Variants in NME7 observed in about 807,000 individuals in gnomAD.
NME7 encodes the protein NME/NM23 family member 7, also known as nucleoside diphosphate kinase 7.
A neutral mutation model predicts 49.1 loss-of-function variants in NME7; 41 were observed. The ratio of observed to expected loss-of-function variants is 0.83; its 90% CI spans 0.65 to 1.08. The LOEUF (loss-of-function observed/expected upper bound fraction) is 1.08, where lower values mean the gene tolerates loss of function less well. NME7 is among the 50% of genes least tolerant of loss of function. The pLI is 0.00. For missense variants in NME7, 423 were observed against 463.4 expected (o/e 0.91, Z 0.80); for synonymous variants, 139 against 150.6 (o/e 0.92, Z 0.56).
chr1:169,351,952 A>C (rs1653190610), intron 1 of NME7, among the ~76,000 whole-genome samples: 1 of 152,036 alleles, frequency 6.6e-6, no homozygotes, highest in Non-Finnish European at 1.5e-5. Context: ...AGTAAAGAAA[A>C]GCCCAGGACC....
chr1:169,172,285 A>C (rs1659620078), intron 10 of NME7, among the ~76,000 whole-genome samples: 1 of 151,582 alleles, frequency 6.6e-6, no homozygotes. Context: ...AACTAAAAAA[A>C]AACAAAAAAA....
At chr1:169,248,912 C>T (rs796168648) in intron 7 of NME7, among the ~76,000 whole-genome samples, 7 of 150,280 alleles carry the variant, frequency 4.7e-5, no homozygotes, top group South Asian at 2.1e-4. Context: ...GATGCCTCTA[C>T]GTCTGTTTTC....
chr1:169,277,151 T>A (rs1277796423), intron 7 of NME7, among the ~76,000 whole-genome samples: 3 of 150,076 alleles, frequency 2.0e-5, no homozygotes, highest in Non-Finnish European at 4.5e-5. Context: ...GTGCTGAAAA[T>A]ATGTATATTC....
At chr1:169,151,583 A>G (rs988658240) in intron 11 of NME7, among the ~76,000 whole-genome samples, 1 of 152,090 alleles carries the variant, frequency 6.6e-6, no homozygotes, top group Non-Finnish European at 1.5e-5. Context: ...AGTCCCCCCC[A>G]GGCTGTCCAG....
intron 10 of NME7, among the ~76,000 whole-genome samples, chr1:169,215,818 G>A (rs1369762666): frequency 6.6e-6 from 1 of 152,190 alleles, no homozygotes; most frequent in Admixed American, 6.5e-5. Context: ...ATATGAACAT[G>A]GAGGACACTA....
At chr1:169,168,824 T>C in intron 11 of NME7, 2 of 454,524 alleles carry the variant, frequency 4.4e-6, no homozygotes, top group Non-Finnish European at 8.8e-6. Flanking sequence ...TTTTTTTCTA[T>C]TTTTTTGATA....
chr1:169,177,318 C>T lies in NME7; in HGVS notation c.991-7764G>A, dbSNP rs116232775. ...CCACTCTAGCACCATATTCTCCTGC[C>T]TAGAATATTGGGCTTTTAGATTTTA... On this transcript the variant is annotated intron_variant, in intron 10 of 11. Coordinates refer to ENST00000367811, the MANE Select transcript of NME7 (RefSeq NM_013330.5). Among the ~76,000 whole-genome samples the T allele has an allele frequency of 2.0e-3, 308 of 152,212 alleles. 1 individual carries two copies. Among genetic ancestry groups the T allele is most frequent in the African/African-American group, 6.8e-3 (282 of 41,510 alleles).
chr1:169,231,872 G>T (rs369968661), intron 9 of NME7, among the ~76,000 whole-genome samples: 1 of 152,072 alleles, frequency 6.6e-6, no homozygotes, highest in Admixed American at 6.5e-5. Flanking sequence ...TTAACTAGGT[G>T]CCAGACCAAA....
At chr1:169,145,555 C>T (rs1235366495) in intron 11 of NME7, among the ~76,000 whole-genome samples, 1 of 152,152 alleles carries the variant, frequency 6.6e-6, no homozygotes, top group Non-Finnish European at 1.5e-5. Context: ...AAATTACCCA[C>T]TGAAAATCCA....
At chr1:169,352,491 C>G (rs1046824026) in intron 1 of NME7, among the ~76,000 whole-genome samples, 2 of 152,166 alleles carry the variant, frequency 1.3e-5, no homozygotes, top group East Asian at 3.9e-4. Context: ...AGGGGAAAAA[C>G]TGAAAGCATT....
chr1:169,211,653 A>G (rs1557989952), intron 10 of NME7, among the ~76,000 whole-genome samples: 7 of 152,176 alleles, frequency 4.6e-5, no homozygotes, highest in Admixed American at 3.9e-4. Flanking sequence ...TATAATGGTT[A>G]AAGGCATGAA....
In NME7 at chr1:169,342,547, A is replaced by G. The variant is rs1332759519; in HGVS notation, c.4-18047T>C. 5.0e-4 allele frequency among the ~76,000 whole-genome samples: 60 copies of G among 120,068 alleles called. 4 individuals carry two copies. Among genetic ancestry groups the G allele is most frequent in the Non-Finnish European group, 4.4e-4 (26 of 58,622 alleles). The allele number at this position is 120,068 out of a possible 152,430, so 78.8% of individuals were successfully genotyped here. On this transcript the variant is annotated intron_variant, in intron 1 of 11. Transcript: ENST00000367811. ...ATATATACAAGTACATATATATAGT[A>G]TATATATATATACAAGTACATATAT...
At chr1:169,248,989 AT>A (rs1455000142) in intron 7 of NME7, among the ~76,000 whole-genome samples, 1 of 152,038 alleles carries the variant, frequency 6.6e-6, no homozygotes, top group African/African-American at 2.4e-5. Flanking sequence ...TTTCATATGA[AT>A]TTTAGAATTG....
At chr1:169,251,723 A>T (rs1430219695) in intron 7 of NME7, among the ~76,000 whole-genome samples, 3 of 85,372 alleles carry the variant, frequency 3.5e-5, no homozygotes, top group African/African-American at 1.4e-4. Context: ...CCCCCACCCC[A>T]CAACAGTCCC....
intron 1 of NME7, among the ~76,000 whole-genome samples, chr1:169,328,202 G>T (rs758585901): frequency 2.0e-5 from 3 of 152,140 alleles, no homozygotes; most frequent in South Asian, 2.1e-4. Flanking sequence ...TTTTTTGGAG[G>T]GGGGGATTAT....
intron 4 of NME7, among the ~76,000 whole-genome samples, chr1:169,304,454 A>T (rs534863527): frequency 5.3e-5 from 8 of 152,342 alleles, no homozygotes; most frequent in African/African-American, 1.9e-4. Context: ...ATAACAAGTT[A>T]TATCACGCAT....
chr1:169,293,972 C>A (rs188309725), intron 6 of NME7, among the ~76,000 whole-genome samples: 6 of 152,146 alleles, frequency 3.9e-5, no homozygotes, highest in African/African-American at 1.4e-4. Context: ...TCTAAAATTA[C>A]ATTTTCTAAC....
intron 1 of NME7, among the ~76,000 whole-genome samples, chr1:169,336,336 A>T (rs1372755791): frequency 6.6e-6 from 1 of 151,852 alleles, no homozygotes; most frequent in Admixed American, 6.6e-5. Context: ...GTGGAAGGGG[A>T]CCTTCCCTTC....
intron 10 of NME7, among the ~76,000 whole-genome samples, chr1:169,184,710 G>GAAATAA (rs1401024300): frequency 6.6e-6 from 1 of 152,026 alleles, no homozygotes; most frequent in African/African-American, 2.4e-5. Context: ...TAGAAATAAG[G>GAAATAA]AAATAAAAAT....
Sources: gnomAD v4.1 joint callset for allele counts (sites outside exome capture counted in the v4.1 genomes callset) on GRCh38, gnomAD v4.1.1 for gene constraint, MANE v1.5 for transcripts, NCBI Gene and HGNC (gene_info 2026-07-23, HGNC 2026-07-21) for gene names.